Variants in STAT4 observed in about 807,000 individuals in gnomAD.
STAT4 encodes signal transducer and activator of transcription 4.
Under a neutral mutation model 110.5 loss-of-function variants are expected in STAT4, and 42 were observed. The ratio of observed to expected loss-of-function variants is 0.38; its 90% confidence interval spans 0.30 to 0.49. STAT4 has a LOEUF of 0.49. Ranked by LOEUF, STAT4 falls within the 20% of genes least tolerant of loss-of-function variation. The probability of loss-of-function intolerance (pLI) is 0.95; values close to 1 mark genes in which losing one functional copy is unlikely to be tolerated. For synonymous variants in STAT4, 284 were observed against 302.2 expected (o/e 0.94, Z 0.63); for missense variants, 632 against 887.9 (o/e 0.71, Z 3.66).
Position 191,031,415 on chromosome 2 carries a change from A to G in STAT4, c.2111+35T>C. On this transcript the variant is annotated intron_variant, in intron 22 of 23. Coordinates refer to ENST00000392320, the MANE Select transcript of STAT4 (RefSeq NM_003151.4). The surrounding 1 kb of genome is among the most constrained non-coding windows in gnomAD (Gnocchi z 4.8). ...TAAATCTCCTATAGGAAAGCTTTTTATAAAAATATTTCACATGTGACTAAC... is the reference window on the plus strand; with the variant it reads ...TAAATCTCCTATAGGAAAGCTTTTTGTAAAAATATTTCACATGTGACTAAC... The G allele has an allele frequency of 6.3e-7, 1 of 1,597,788 alleles. No homozygotes were observed. Among genetic ancestry groups the G allele is most frequent in the African/African-American group, 1.3e-5 (1 of 74,162 alleles).
In STAT4 at chr2:191,116,364, G is replaced by A. The variant is rs746701064; in HGVS notation, c.273+30249C>T. Among the ~76,000 whole-genome samples, 1 of 152,162 alleles carries A rather than the reference G, an allele frequency of 6.6e-6. No homozygotes were observed. The highest frequency in any genetic ancestry group is 1.5e-5 in the Non-Finnish European group (1 of 68,030). On this transcript the variant is annotated intron_variant, in intron 3 of 23. Transcript: ENST00000392320. The surrounding 1 kb of genome is among the most constrained non-coding windows in gnomAD (Gnocchi z 4.1). ...TTGTGGCTGTGCAATTACTTTGCAA[G>A]CTAAAATTTAGATAAAGAAGAATCA...
intron 5 of STAT4, among the ~76,000 whole-genome samples, 153 bp from the exon 6 acceptor site, chr2:191,069,924 A>G (rs1204743401): frequency 6.6e-6 from 1 of 152,240 alleles, no homozygotes; most frequent in Non-Finnish European, 1.5e-5. Context: ...GAGCTAATTC[A>G]TATAAAAGTT....
rs1698314944 is a variant in STAT4 at position 191,107,556 on chromosome 2, T to C, written c.274-31231A>G. 6.6e-6 allele frequency among the ~76,000 whole-genome samples: 1 copy of C among 152,214 alleles called. No individual in the cohort carries two copies. The highest frequency in any genetic ancestry group is 2.4e-5 in the African/African-American group (1 of 41,452). ...TGCCCAAAATCATGTTGCTAATAAA[T>C]CTGAGGCAGGGTTTTAACCCCAGGT... On this transcript the variant is annotated intron_variant, in intron 3 of 23. Coordinates refer to ENST00000392320, the MANE Select transcript of STAT4 (RefSeq NM_003151.4). This position sits in a 1 kb window ranked among gnomAD's most constrained non-coding sequence, Gnocchi z 4.2.
chr2:191,149,700 C>T (rs1281727074), intron 1 of STAT4, among the ~76,000 whole-genome samples: 2 of 152,110 alleles, frequency 1.3e-5, no homozygotes, highest in Admixed American at 6.5e-5. Context: ...ATATATATTC[C>T]ATCGGATGTG....
intron 3 of STAT4, among the ~76,000 whole-genome samples, chr2:191,139,693 G>A (rs893230281): frequency 3.3e-5 from 5 of 152,074 alleles, no homozygotes; most frequent in Admixed American, 3.3e-4. Flanking sequence ...TCAGTCTACA[G>A]ATTCAATGCA....
chr2:191,053,053 G>C lies in STAT4; in HGVS notation c.1251+1437C>G, dbSNP rs1379629233. 6.6e-6 allele frequency among the ~76,000 whole-genome samples: 1 copy of C among 152,182 alleles called. No individual in the cohort carries two copies. The highest frequency in any genetic ancestry group is 2.4e-5 in the African/African-American group (1 of 41,452). ...ACAATTAAGGGAATGAAGAATTCTT[G>C]GAGGGCAAAATGGTAGGGCATTAAA... On this transcript the variant is annotated intron_variant, in intron 14 of 23. Coordinates refer to ENST00000392320, the MANE Select transcript of STAT4 (RefSeq NM_003151.4). This position sits in a 1 kb window ranked among gnomAD's most constrained non-coding sequence, Gnocchi z 4.5.
At chr2:191,114,163 T>C (rs1314235588) in intron 3 of STAT4, among the ~76,000 whole-genome samples, 2 of 152,184 alleles carry the variant, frequency 1.3e-5, no homozygotes, top group Non-Finnish European at 2.9e-5. Flanking sequence ...AAAAGCTCAA[T>C]CCTTAAGTGT....
At chr2:191,063,458 T>C (rs553122543) in intron 8 of STAT4, among the ~76,000 whole-genome samples, 32 of 152,332 alleles carry the variant, frequency 2.1e-4, no homozygotes, top group African/African-American at 7.5e-4. Flanking sequence ...TAGAAATGCT[T>C]GCCTCTGATA....
intron 3 of STAT4, among the ~76,000 whole-genome samples, chr2:191,098,865 C>G (rs1304170930): frequency 2.0e-5 from 3 of 152,000 alleles, no homozygotes; most frequent in African/African-American, 7.2e-5. Flanking sequence ...AAAAGATGCA[C>G]TTTCACTACA....
At chr2:191,103,706 T>C (rs907434755) in intron 3 of STAT4, among the ~76,000 whole-genome samples, 3 of 152,188 alleles carry the variant, frequency 2.0e-5, no homozygotes, top group Non-Finnish European at 4.4e-5. Flanking sequence ...TTCATTTTTA[T>C]GAGAATTAAA....
chr2:191,151,106 G>C (rs1699581589), upstream of STAT4: 1 of 985,266 alleles, frequency 1.0e-6, no homozygotes. This position sits in a 1 kb window ranked among gnomAD's most constrained non-coding sequence, Gnocchi z 4.7. Context: ...TCGAGTCTCT[G>C]GGACTTTACT....
chr2:191,119,105 G>A (rs1288038457), intron 3 of STAT4, among the ~76,000 whole-genome samples: 1 of 152,100 alleles, frequency 6.6e-6, no homozygotes, highest in African/African-American at 2.4e-5. Flanking sequence ...AAGACCTATG[G>A]TTCTGACAAA....
At chr2:191,034,286 G>A (rs1412777394) in intron 18 of STAT4, among the ~76,000 whole-genome samples, 2 of 152,004 alleles carry the variant, frequency 1.3e-5, no homozygotes, top group Admixed American at 6.6e-5. Flanking sequence ...AGCCGGGCGT[G>A]GTGGTGGGTG....
rs1274749529 is a variant in STAT4, at chr2:191,061,736, T to G, written c.1027A>C (p.Lys343Gln). 1.2e-6 allele frequency: 2 copies of G among 1,613,870 alleles called. No homozygotes were observed. The highest frequency in any genetic ancestry group is 2.7e-5 in the African/African-American group (2 of 74,900). The change falls in exon 10 of 24, where the codon AAA becomes CAA. Residue 343 changes from lysine (K) to glutamine (Q), a missense_variant. By Grantham distance (53) the Lys-to-Gln change is moderately conservative. Around this residue, in one of 4 missense-constraint regions of STAT4, gnomAD observed 488 missense variants for 632.8 expected, o/e 0.77. Coordinates refer to ENST00000392320, the MANE Select transcript of STAT4 (RefSeq NM_003151.4). This position sits in a 1 kb window ranked among gnomAD's most constrained non-coding sequence, Gnocchi z 6.2. ...VLKTLIQFTV[K>Q]LRLLIKLPEL... The stretch of plus-strand genomic sequence containing the variant: ...GAAAATGTTTTTGCCTACCTTAGTT[T>G]TACAGTGAACTGAATTAGGGTTTTA...
intron 3 of STAT4, among the ~76,000 whole-genome samples, chr2:191,106,027 C>T (rs963562501): frequency 5.9e-5 from 9 of 152,082 alleles, no homozygotes; most frequent in Non-Finnish European, 1.0e-4. Context: ...AGGGACCTTG[C>T]GGTGGCTTTT....
rs768367871 is a variant in STAT4 at position 191,147,241 on chromosome 2, T to C, written c.129-484A>G. 2.0e-5 allele frequency among the ~76,000 whole-genome samples: 3 copies of C among 152,166 alleles called. No individual in the cohort carries two copies. Among genetic ancestry groups the C allele is most frequent in the African/African-American group, 4.8e-5 (2 of 41,444 alleles). On this transcript the variant is annotated intron_variant, in intron 2 of 23. Coordinates refer to ENST00000392320, the MANE Select transcript of STAT4 (RefSeq NM_003151.4). This position sits in a 1 kb window ranked among gnomAD's most constrained non-coding sequence, Gnocchi z 4.1. ...GGGTTATTAGCAATAGCCAAAATGT[T>C]TGAACAACCCAAATGTCCATTGACA...
chr2:191,035,865 G>A lies in STAT4; in HGVS notation c.1570+299C>T, dbSNP rs1348169021. On this transcript the variant is annotated intron_variant, in intron 17 of 23. Transcript: ENST00000392320. The surrounding 1 kb of genome is among the most constrained non-coding windows in gnomAD (Gnocchi z 4.7). ...TAGACAAGGAGGGGCTTTAGACCTG[G>A]ACAGGTCTGGCCTGTGGCTTGGTGC... Among the ~76,000 whole-genome samples the A allele has an allele frequency of 6.6e-6, 1 of 152,150 alleles. No individual in the cohort carries two copies. The highest frequency in any genetic ancestry group is 1.5e-5 in the Non-Finnish European group (1 of 68,022).
Position 191,061,707 on chromosome 2 carries a change from A to C in STAT4, c.1034+22T>G, listed in dbSNP as rs3024854. 5.5e-4 allele frequency: 883 copies of C among 1,604,032 alleles called. 5 individuals carry two copies. In the African/African-American group the frequency reaches 0.01, roughly 19 times the overall value. ...CTATAGCTCCACAAACACACGAAAT[A>C]GTAGAAAATGTTTTTGCCTACCTTA... On this transcript the variant is annotated intron_variant, in intron 10 of 23. Transcript: ENST00000392320. The surrounding 1 kb of genome is among the most constrained non-coding windows in gnomAD (Gnocchi z 6.2).
At chr2:191,064,688 G>T in intron 8 of STAT4, 119 bp downstream of exon 8, 1 of 1,208,200 alleles carries the variant, frequency 8.3e-7, no homozygotes, top group Non-Finnish European at 1.1e-6. Context: ...CTGCTAATAA[G>T]CCATCAATAA....
Sources: allele counts gnomAD v4.1 joint callset (sites outside exome capture counted in the v4.1 genomes callset), GRCh38; gene constraint gnomAD v4.1.1; regional missense constraint gnomAD v4.1.1; non-coding constraint Gnocchi (gnomAD v3.1); transcripts MANE v1.5; gene names NCBI Gene and HGNC (gene_info 2026-07-23, HGNC 2026-07-21).